The following TANC1 variants were observed in gnomAD, a reference collection of about 807,000 sequenced individuals.
TANC1 encodes the protein protein TANC1.
Under a neutral mutation model 149.7 loss-of-function variants are expected in TANC1, and 77 were observed. That is an observed-to-expected ratio of 0.51 (90% CI 0.43 to 0.62). The LOEUF is 0.62. Ranked by LOEUF, TANC1 falls within the 20% of genes least tolerant of loss-of-function variation. TANC1 has a pLI of 0.00. For synonymous variants in TANC1, 854 were observed against 925.0 expected (o/e 0.92, Z 1.39); for missense variants, 1,985 against 2,321.8 (o/e 0.85, Z 2.98).
chr2:159,035,815 A>G (rs16843584), intron 2 of TANC1, among the ~76,000 whole-genome samples: 14,769 of 152,210 alleles, frequency 0.097, 733 homozygotes, highest in Non-Finnish European at 0.11. Flanking sequence ...TAAACTCAGA[A>G]AGGACTTTTC....
intron 5 of TANC1, among the ~76,000 whole-genome samples, chr2:159,143,079 C>CAAAG (rs57371944): frequency 7.5e-6 from 1 of 133,862 alleles, no homozygotes; most frequent in African/African-American, 2.8e-5. Context: ...AAAAAAAAAA[C>CAAAG]AACAAAACAA....
intron 18 of TANC1, 90 bp downstream of exon 18, chr2:159,196,883 T>A: frequency 7.8e-7 from 1 of 1,276,646 alleles, no homozygotes; most frequent in Non-Finnish European, 1.1e-6. Flanking sequence ...AGAAGGAGGA[T>A]GCCAAGAACT....
intron 1 of TANC1, among the ~76,000 whole-genome samples, chr2:158,992,099 A>T (rs2035690020): frequency 6.6e-6 from 1 of 152,140 alleles, no homozygotes; most frequent in Non-Finnish European, 1.5e-5. Flanking sequence ...GTGGTGGCTC[A>T]TGTCTGTAAT....
rs550240356 is a variant in TANC1, at chr2:159,231,643, T to C, written c.*631T>C. 1.2e-5 allele frequency: 1 copy of C among 80,130 alleles called. No individual in the cohort carries two copies. The highest frequency in any genetic ancestry group is 3.7e-5 in the African/African-American group (1 of 26,674). 5.0% of individuals were successfully genotyped at this position (80,130 alleles called of 1,614,324 possible). A position where few individuals can be genotyped will look rare whatever the true frequency, so the allele number is the denominator to read the frequency against. On this transcript the variant is annotated 3_prime_UTR_variant, in exon 27 of 27. Coordinates refer to ENST00000263635, the MANE Select transcript of TANC1 (RefSeq NM_033394.3). ...TTCTGTGTTATGGTTCTTATTCATA[T>C]ATTTTTATAGCACTTTTGGAACCTA...
intron 15 of TANC1, among the ~76,000 whole-genome samples, chr2:159,186,538 G>C (rs1263661898): frequency 6.6e-6 from 1 of 152,230 alleles, no homozygotes; most frequent in Non-Finnish European, 1.5e-5. Flanking sequence ...AGGTACTTGA[G>C]AGGCTGAGGG....
chr2:159,227,098 CAAAT>C (rs2060065239), intron 24 of TANC1: 1 of 152,062 alleles, frequency 6.6e-6, no homozygotes, highest in Admixed American at 6.6e-5. Flanking sequence ...AAAATAGTAA[CAAAT>C]AAATAGGCAA....
chr2:159,052,738 T>C (rs2041563226), intron 2 of TANC1, among the ~76,000 whole-genome samples: 2 of 152,238 alleles, frequency 1.3e-5, no homozygotes, highest in South Asian at 2.1e-4. Flanking sequence ...CAACCAACCA[T>C]GTAAGATCAA....
At chr2:159,090,576 C>T (rs1213969543) in intron 3 of TANC1, among the ~76,000 whole-genome samples, 1 of 152,166 alleles carries the variant, frequency 6.6e-6, no homozygotes, top group East Asian at 1.9e-4. Flanking sequence ...CTGGCAGAGC[C>T]ACGGAATTCA....
chr2:159,205,821 A>C, intron 19 of TANC1, among the ~76,000 whole-genome samples: 1 of 152,196 alleles, frequency 6.6e-6, no homozygotes, highest in Non-Finnish European at 1.5e-5. Context: ...ATTTCAGGTG[A>C]GAGATTGGAA....
chr2:159,201,321 C>T (rs549472816), intron 19 of TANC1, among the ~76,000 whole-genome samples: 3 of 152,270 alleles, frequency 2.0e-5, no homozygotes, highest in South Asian at 2.1e-4. Flanking sequence ...TGTGACATCC[C>T]GTGTTTTGGG....
rs1221279878 is a variant in TANC1 at position 159,186,752 on chromosome 2, A to G, written c.2620-150A>G. Reference sequence around the variant, plus strand: ...TCAGGTAGTGAAAGCTCGCATGTCCAGGCATTCTTTGTGTGTGACCCCGTG... The same window carrying G: ...TCAGGTAGTGAAAGCTCGCATGTCCGGGCATTCTTTGTGTGTGACCCCGTG... On this transcript the variant is annotated intron_variant, in intron 15 of 26. Transcript: ENST00000263635. The G allele has an allele frequency of 1.7e-5, 15 of 896,890 alleles. 1 individual carries two copies. Among genetic ancestry groups the G allele is most frequent in the Non-Finnish European group, 2.4e-5 (14 of 590,652 alleles). The allele number at this position is 896,890 out of a possible 1,614,324, so 55.6% of individuals were successfully genotyped here.
intron 2 of TANC1, among the ~76,000 whole-genome samples, chr2:159,060,754 A>C (rs1351211083): frequency 6.6e-6 from 1 of 152,110 alleles, no homozygotes; most frequent in Non-Finnish European, 1.5e-5. Flanking sequence ...GCAGTATGGC[A>C]CTCCAGAAGA....
At chr2:159,225,511 G>A (rs2150974894) in intron 23 of TANC1, 177 bp from the exon 24 acceptor site, 2 of 617,474 alleles carry the variant, frequency 3.2e-6, no homozygotes, top group South Asian at 3.9e-5. Context: ...GAGTGCCCAG[G>A]TCAGTGGGAA....
chr2:159,141,748 A>G (rs535868404), intron 5 of TANC1, among the ~76,000 whole-genome samples: 1 of 152,226 alleles, frequency 6.6e-6, no homozygotes, highest in African/African-American at 2.4e-5. Flanking sequence ...GGTCGTTGAC[A>G]AAAGAGGGCT....
At chr2:159,118,236 G>A (rs1020626066) in intron 4 of TANC1, among the ~76,000 whole-genome samples, 9 of 152,068 alleles carry the variant, frequency 5.9e-5, no homozygotes, top group African/African-American at 1.7e-4. Flanking sequence ...TAACATGAAC[G>A]CATTTGTATG....
chr2:159,101,601 A>C (rs533643646), intron 4 of TANC1, among the ~76,000 whole-genome samples: 207 of 152,138 alleles, frequency 1.4e-3, no homozygotes, highest in African/African-American at 4.9e-3. Context: ...TTTTCTGTTA[A>C]TGAAAACAAG....
chr2:159,231,380 G>GT lies in TANC1; in HGVS notation c.*371dup, dbSNP rs1282694563. The GT allele has an allele frequency of 5.7e-6, 1 of 176,190 alleles. No individual in the cohort carries two copies. The highest frequency in any genetic ancestry group is 2.4e-5 in the African/African-American group (1 of 41,824). 10.9% of individuals were successfully genotyped at this position (176,190 alleles called of 1,614,324 possible). On this transcript the variant is annotated 3_prime_UTR_variant, in exon 27 of 27. Transcript: ENST00000263635. ...TATGTCTATTGTTCAAGAGTAACAG[G>GT]TTTAACTCATGACCAAGTGATGTAC...
chr2:159,039,259 G>A lies in TANC1; in HGVS notation c.-15-26637G>A, dbSNP rs187319539. ...TCTCTTCTTTATTAGTCTTGCTAGC[G>A]GTCTATCAATTTCATTGATCTTTTC... On this transcript the variant is annotated intron_variant, in intron 2 of 26. Transcript: ENST00000263635. Among the ~76,000 whole-genome samples, 260 of 151,924 alleles carry A rather than the reference G, an allele frequency of 1.7e-3. 2 individuals are homozygous for A. Among genetic ancestry groups the A allele is most frequent in the African/African-American group, 6.0e-3 (248 of 41,438 alleles).
intron 19 of TANC1, among the ~76,000 whole-genome samples, chr2:159,214,094 C>A (rs189790466): frequency 3.9e-4 from 51 of 132,236 alleles, no homozygotes; most frequent in African/African-American, 1.5e-3. Context: ...CACTGCACTC[C>A]AGCCTGGGCA....
Sources: allele counts gnomAD v4.1 joint callset (sites outside exome capture counted in the v4.1 genomes callset), GRCh38; gene constraint gnomAD v4.1.1; transcripts MANE v1.5; gene names NCBI Gene and HGNC (gene_info 2026-07-23, HGNC 2026-07-21).